The following TUSC3 variants were observed in gnomAD, a reference collection of about 807,000 sequenced individuals.
TUSC3 encodes the protein dolichyl-diphosphooligosaccharide--protein glycosyltransferase subunit TUSC3.
Under a neutral mutation model 44.8 loss-of-function variants are expected in TUSC3, and 45 were observed. That is an observed-to-expected ratio of 1.00 (90% CI 0.79 to 1.29). TUSC3 has a LOEUF of 1.29. Ranked by LOEUF, TUSC3 falls within the 50% of genes most tolerant of loss-of-function variation. TUSC3 has a pLI of 0.00. For missense variants in TUSC3, 519 were observed against 437.9 expected, an observed-to-expected ratio of 1.19 and a Z score of -1.65; for synonymous variants, 212 against 152.9, an observed-to-expected ratio of 1.39 and a Z score of -2.85.
the TUSC3 span, among the ~76,000 whole-genome samples, chr8:15,828,061 C>A: frequency 2.0e-5 from 3 of 147,016 alleles, no homozygotes; most frequent in Non-Finnish European, 4.4e-5. Flanking sequence ...GTGGCACGAT[C>A]TTGGCTCACT....
At chr8:15,818,572 A>T in the TUSC3 span, among the ~76,000 whole-genome samples, 2 of 152,192 alleles carry the variant, frequency 1.3e-5, no homozygotes, top group African/African-American at 4.8e-5. Context: ...AAGAGTAGAG[A>T]AATCTTTTAT....
At chr8:15,447,818 AG>A (rs1441199354) in intron 1 of TUSC3, among the ~76,000 whole-genome samples, 2 of 151,880 alleles carry the variant, frequency 1.3e-5, no homozygotes, top group Non-Finnish European at 2.9e-5. Flanking sequence ...TGAGATGGTA[AG>A]TGATACCATG....
At chr8:15,782,720 A>G in the TUSC3 span, among the ~76,000 whole-genome samples, 1 of 152,214 alleles carries the variant, frequency 6.6e-6, no homozygotes, top group African/African-American at 2.4e-5. Flanking sequence ...CAAATTACTT[A>G]CAGAAAGAAT....
At chr8:15,619,838 T>G (rs1805164083) in intron 1 of TUSC3, among the ~76,000 whole-genome samples, 1 of 152,124 alleles carries the variant, frequency 6.6e-6, no homozygotes, top group South Asian at 2.1e-4. Context: ...ATCTCTTGTA[T>G]AGGACAGATT....
At chr8:15,641,367 A>AC (rs1251587124) in intron 2 of TUSC3, among the ~76,000 whole-genome samples, 1 of 151,646 alleles carries the variant, frequency 6.6e-6, no homozygotes, top group Non-Finnish European at 1.5e-5. Flanking sequence ...GTCTCAAAAA[A>AC]AAAAAAAAAA....
In TUSC3 at chr8:15,623,760, A is replaced by G. The variant is rs528566163; in HGVS notation, c.308+511A>G. 8.5e-5 allele frequency among the ~76,000 whole-genome samples: 13 copies of G among 152,268 alleles called. No individual in the cohort carries two copies. The East Asian group carries it at 1.3e-3, about 16-fold the overall frequency. Reference sequence around the variant, plus strand: ...AAATACTTGTCCAAAAGTATACAACAAACACTTTTTTAAATTGAAATTTTT... The same window carrying G: ...AAATACTTGTCCAAAAGTATACAACGAACACTTTTTTAAATTGAAATTTTT... On this transcript the variant is annotated intron_variant, in intron 2 of 10. Coordinates refer to ENST00000503731, the MANE Select transcript of TUSC3 (RefSeq NM_006765.4).
At chr8:15,548,390 G>A (rs571234174) in intron 1 of TUSC3, among the ~76,000 whole-genome samples, 1 of 151,788 alleles carries the variant, frequency 6.6e-6, no homozygotes, top group Admixed American at 6.6e-5. Context: ...GTGAGTATAT[G>A]ATACAGTTGT....
chr8:15,607,856 T>C (rs1005650195), intron 1 of TUSC3, among the ~76,000 whole-genome samples: 1 of 152,170 alleles, frequency 6.6e-6, no homozygotes, highest in African/African-American at 2.4e-5. Context: ...TTACATTTCC[T>C]CCCTAATTCT....
exon 2 of TUSC3, chr8:15,483,435 G>C (rs890760159): frequency 6.1e-6 from 1 of 163,922 alleles, no homozygotes; most frequent in Non-Finnish European, 1.3e-5. Flanking sequence ...CTGCCTCCCG[G>C]GTTCAAGCGA....
rs368803343 is a variant in TUSC3, at chr8:15,517,992, A to C, written n.189+34509A>C. ...AACCCTCAAGAACAAACAAAAAAAA[A>C]CCCCCATACACATTCGCACCTGTTC... On this transcript the variant is annotated intron_variant and non_coding_transcript_variant, in intron 2 of 5. Transcript: ENST00000503191. 2.6e-3 allele frequency among the ~76,000 whole-genome samples: 392 copies of C among 151,744 alleles called. 2 individuals are homozygous for C. Among genetic ancestry groups the C allele is most frequent in the African/African-American group, 6.9e-3 (284 of 41,334 alleles).
intron 2 of TUSC3, among the ~76,000 whole-genome samples, chr8:15,534,661 A>G (rs1013043542): frequency 1.1e-4 from 17 of 151,690 alleles, no homozygotes; most frequent in Non-Finnish European, 2.4e-4. Flanking sequence ...AAAAAAAAAA[A>G]ACTTCAGCCA....
rs1032568545 is a variant in TUSC3, at chr8:15,766,608, T to C, written c.*2452T>C. The C allele has an allele frequency of 6.6e-6, 1 of 152,280 alleles. No individual in the cohort carries two copies. The highest frequency in any genetic ancestry group is 1.9e-4 in the East Asian group (1 of 5,182). 9.4% of individuals were successfully genotyped at this position (152,280 alleles called of 1,614,324 possible). A position where few individuals can be genotyped will look rare whatever the true frequency, so the allele number is the denominator to read the frequency against. Reference sequence around the variant, plus strand: ...ACTTGTTGCATTTTGCTTAACATACTGTTCCTGGCATTAGATATTCACATG... The same window carrying C: ...ACTTGTTGCATTTTGCTTAACATACCGTTCCTGGCATTAGATATTCACATG... On this transcript the variant is annotated 3_prime_UTR_variant, in exon 11 of 11. Coordinates refer to ENST00000503731, the MANE Select transcript of TUSC3 (RefSeq NM_006765.4).
At chr8:15,571,293 A>G (rs148372790) in intron 1 of TUSC3, among the ~76,000 whole-genome samples, 1,747 of 152,158 alleles carry the variant, frequency 0.011, 24 homozygotes, top group African/African-American at 0.035. Flanking sequence ...TATACTTTCA[A>G]TTGAATACAG....
intron 7 of TUSC3, among the ~76,000 whole-genome samples, chr8:15,738,014 CTT>C (rs1268814025): frequency 6.6e-6 from 1 of 152,068 alleles, no homozygotes; most frequent in Non-Finnish European, 1.5e-5. Context: ...AAAAATGTAT[CTT>C]TAAATAATAG....
At chr8:15,452,513 G>A (rs958246370) in intron 1 of TUSC3, among the ~76,000 whole-genome samples, 1 of 151,988 alleles carries the variant, frequency 6.6e-6, no homozygotes, top group Non-Finnish European at 1.5e-5. Flanking sequence ...ACTTTAAAAG[G>A]TAAAACATAT....
chr8:15,711,731 T>G (rs903452105), intron 6 of TUSC3, among the ~76,000 whole-genome samples: 1 of 151,846 alleles, frequency 6.6e-6, no homozygotes, highest in African/African-American at 2.4e-5. Flanking sequence ...GTATCTTGAT[T>G]GTTTATATCC....
chr8:15,542,302 T>C (rs1035268663), intron 1 of TUSC3, among the ~76,000 whole-genome samples: 13 of 152,048 alleles, frequency 8.5e-5, no homozygotes, highest in Non-Finnish European at 1.3e-4. Flanking sequence ...AGATGAAGCC[T>C]CCAGGTGGCA....
intron 7 of TUSC3, among the ~76,000 whole-genome samples, chr8:15,741,360 CT>C: frequency 6.6e-6 from 1 of 152,228 alleles, no homozygotes; most frequent in East Asian, 1.9e-4. Flanking sequence ...GTATGTTTTA[CT>C]TTTAATGTCT....
chr8:15,528,109 C>T (rs1801399861), intron 2 of TUSC3, among the ~76,000 whole-genome samples: 1 of 151,816 alleles, frequency 6.6e-6, no homozygotes, highest in South Asian at 2.1e-4. Flanking sequence ...AATCCTTTAC[C>T]AATAAAACAT....
Sources: gnomAD v4.1 joint callset for allele counts (sites outside exome capture counted in the v4.1 genomes callset) on GRCh38, gnomAD v4.1.1 for gene constraint, MANE v1.5 for transcripts, NCBI Gene and HGNC (gene_info 2026-07-23, HGNC 2026-07-21) for gene names.